The following IQSEC1 variants were observed in gnomAD, a reference collection of about 807,000 sequenced individuals.
IQSEC1 encodes the protein IQ motif and Sec7 domain ArfGEF 1.
In IQSEC1, 31 loss-of-function variants were observed where a neutral mutation model predicts 91.0. That is an observed-to-expected ratio of 0.34 (90% CI 0.26 to 0.46). IQSEC1 has a LOEUF of 0.46. IQSEC1 is among the 20% of genes least tolerant of loss of function. The pLI is 1.00. For synonymous variants in IQSEC1, 699 were observed against 662.6 expected, an observed-to-expected ratio of 1.05 and a Z score of -0.84; for missense variants, 1,388 against 1,575.6, an observed-to-expected ratio of 0.88 and a Z score of 2.02.
Position 12,899,461 on chromosome 3 carries a change from C to T in IQSEC1, c.*1522G>A, listed in dbSNP as rs373586384. On this transcript the variant is annotated 3_prime_UTR_variant, in exon 14 of 14. Transcript: ENST00000613206. ...TACAAAGTATGGCCCGTGGGTGACT[C>T]GGGCACAGACCTGCCGCGTGCAGGT... 1.1e-4 allele frequency: 181 copies of T among 1,603,706 alleles called. 1 individual carries two copies. Among genetic ancestry groups the T allele is most frequent in the South Asian group, 8.3e-4 (74 of 89,648 alleles).
chr3:13,081,897 C>T (rs1705652242), intron 2 of IQSEC1, among the ~76,000 whole-genome samples: 1 of 152,190 alleles, frequency 6.6e-6, no homozygotes, highest in African/African-American at 2.4e-5. Flanking sequence ...ACTGAATGCA[C>T]TTGATGTGCT....
chr3:13,128,832 GCAC>G (rs2124910611), intron 2 of IQSEC1, among the ~76,000 whole-genome samples: 1 of 138,748 alleles, frequency 7.2e-6, no homozygotes, highest in Admixed American at 7.8e-5. Context: ...AGCCGAGATT[GCAC>G]CACTGCACTC....
intron 2 of IQSEC1, among the ~76,000 whole-genome samples, chr3:13,132,728 A>G (rs955455408): frequency 4.6e-5 from 7 of 152,180 alleles, no homozygotes; most frequent in African/African-American, 1.4e-4. Context: ...AACTTGTTCC[A>G]TGCATCTTGT....
At chr3:13,187,947 C>G (rs571178464) in intron 1 of IQSEC1, among the ~76,000 whole-genome samples, 18 of 152,322 alleles carry the variant, frequency 1.2e-4, no homozygotes, top group Non-Finnish European at 2.4e-4. Flanking sequence ...ACCTGATCAC[C>G]CCCCAGAGGC....
At chr3:13,180,675 A>G (rs1559271483) in intron 1 of IQSEC1, among the ~76,000 whole-genome samples, 1 of 150,992 alleles carries the variant, frequency 6.6e-6, no homozygotes, top group Non-Finnish European at 1.5e-5. Flanking sequence ...TGTAACACTC[A>G]CTGCGAAGGT....
At chr3:12,953,932 C>G (rs897601943) in intron 1 of IQSEC1, among the ~76,000 whole-genome samples, 5 of 152,240 alleles carry the variant, frequency 3.3e-5, no homozygotes, top group African/African-American at 1.2e-4. Context: ...GCCCCACCAA[C>G]AGCTAATGCC....
intron 1 of IQSEC1, among the ~76,000 whole-genome samples, chr3:13,021,615 C>T (rs1417104752): frequency 6.6e-6 from 1 of 152,214 alleles, no homozygotes; most frequent in Non-Finnish European, 1.5e-5. Context: ...GAGCCCTCAG[C>T]CACTCAGTGA....
intron 1 of IQSEC1, among the ~76,000 whole-genome samples, chr3:13,280,531 G>C (rs1576321622): frequency 6.6e-6 from 1 of 152,212 alleles, no homozygotes; most frequent in Non-Finnish European, 1.5e-5. Flanking sequence ...AAAGACTAGG[G>C]AGTGAATCAG....
At chr3:12,976,337 G>C (rs550046668) in intron 1 of IQSEC1, among the ~76,000 whole-genome samples, 28 of 152,332 alleles carry the variant, frequency 1.8e-4, no homozygotes, top group African/African-American at 6.0e-4. Context: ...GGTCACAGTG[G>C]GGAAGCGGTC....
intron 1 of IQSEC1, among the ~76,000 whole-genome samples, chr3:13,171,309 G>T (rs942333735): frequency 1.3e-5 from 2 of 152,300 alleles, no homozygotes; most frequent in East Asian, 3.9e-4. Context: ...AGGAGAAAAG[G>T]TTTTCTTCCT....
At chr3:13,141,524 G>A (rs1442484969) in intron 2 of IQSEC1, among the ~76,000 whole-genome samples, 2 of 152,236 alleles carry the variant, frequency 1.3e-5, no homozygotes, top group Non-Finnish European at 2.9e-5. Context: ...AGCTAAGTAA[G>A]GGAGGGAGAA....
chr3:13,001,787 G>A (rs538758763), intron 1 of IQSEC1, among the ~76,000 whole-genome samples: 6 of 152,320 alleles, frequency 3.9e-5, no homozygotes, highest in South Asian at 4.1e-4. Flanking sequence ...GGCCGAGCGC[G>A]ATGGCTCACG....
Position 12,935,154 on chromosome 3 carries a change from T to TG in IQSEC1, c.1568+293dup, listed in dbSNP as rs1277296936. On this transcript the variant is annotated intron_variant, in intron 3 of 13. Transcript: ENST00000613206. The surrounding 1 kb of genome is among the most constrained non-coding windows in gnomAD (Gnocchi z 8.0). ...CATACCCCACTTGCTATGGCGGACT[T>TG]GGGGGGGATGGGACGGAAGGGCCCG... Among the ~76,000 whole-genome samples, 3 of 152,098 alleles carry TG rather than the reference T, an allele frequency of 2.0e-5. No homozygotes were observed. The highest frequency in any genetic ancestry group is 2.9e-5 in the Non-Finnish European group (2 of 68,028).
chr3:13,171,112 A>AAC (rs111311956), intron 1 of IQSEC1, among the ~76,000 whole-genome samples: 9,930 of 151,052 alleles, frequency 0.066, 395 homozygotes, highest in African/African-American at 0.11. Context: ...AAAAACAAAA[A>AAC]AAACAAAAAA....
intron 1 of IQSEC1, among the ~76,000 whole-genome samples, chr3:13,197,622 A>G (rs1490203783): frequency 6.6e-6 from 1 of 152,196 alleles, no homozygotes; most frequent in Non-Finnish European, 1.5e-5. Context: ...CCAGGCCCTG[A>G]TAACTTCACG....
chr3:12,992,203 CCT>C lies in IQSEC1; in HGVS notation c.24-50340_24-50339del, dbSNP rs562012707. 5.2e-4 allele frequency among the ~76,000 whole-genome samples: 79 copies of C among 152,256 alleles called. No individual in the cohort carries two copies. Among genetic ancestry groups the C allele is most frequent in the African/African-American group, 1.8e-3 (74 of 41,556 alleles). On this transcript the variant is annotated intron_variant, in intron 1 of 13. Transcript: ENST00000613206. This position sits in a 1 kb window ranked among gnomAD's most constrained non-coding sequence, Gnocchi z 4.1. ...CTGTGTGACCTTGGACATGTCCCTG[CCT>C]CTCTCTGGCCTCAGTTCTCCATCTC... is the stretch of plus-strand genomic sequence containing the variant.
rs537380766 is a variant in IQSEC1, at chr3:13,158,147, G to C, written c.302+5957C>G. On this transcript the variant is annotated intron_variant, in intron 2 of 15. Coordinates refer to the IQSEC1 transcript ENST00000648114. ...GCTAAGAAATGTCCACTCGCCTCCA[G>C]AGGCCGCCGGCTCAGCCCTCAGTCC... 7.9e-5 allele frequency among the ~76,000 whole-genome samples: 12 copies of C among 152,334 alleles called. No homozygotes were observed. The South Asian group carries it at 1.2e-3, about 16-fold the overall frequency.
intron 1 of IQSEC1, among the ~76,000 whole-genome samples, chr3:13,237,568 G>A (rs1008627876): frequency 1.3e-5 from 2 of 152,204 alleles, no homozygotes; most frequent in Non-Finnish European, 2.9e-5. Context: ...CAGCTGAGCT[G>A]CTGGGCTGCG....
At chr3:12,928,817 G>T (rs557615215) in intron 3 of IQSEC1, among the ~76,000 whole-genome samples, 4 of 152,254 alleles carry the variant, frequency 2.6e-5, no homozygotes, top group Non-Finnish European at 5.9e-5. Flanking sequence ...GCCTGCCCTG[G>T]GGAGAGGGCT....
Sources: gnomAD v4.1 joint callset for allele counts (sites outside exome capture counted in the v4.1 genomes callset) on GRCh38, gnomAD v4.1.1 for gene constraint, Gnocchi (gnomAD v3.1) non-coding constraint, MANE v1.5 for transcripts, NCBI Gene and HGNC (gene_info 2026-07-23, HGNC 2026-07-21) for gene names.